PPP6R3: variants seen among roughly 807,000 people sequenced by gnomAD.
PPP6R3 encodes the protein serine/threonine-protein phosphatase 6 regulatory subunit 3.
PPP6R3 carries 38 observed loss-of-function variants against 110.7 expected under a neutral mutation model. That is an observed-to-expected ratio of 0.34 (90% CI 0.26 to 0.45). The LOEUF is 0.45. Among genes scored for constraint, PPP6R3 ranks in the 20% least tolerant of loss-of-function variants. The pLI, the probability that PPP6R3 is intolerant of heterozygous loss-of-function variation, is 1.00. For synonymous variants in PPP6R3, 369 were observed against 373.5 expected (o/e 0.99, Z 0.14); for missense variants, 870 against 1,062.4 (o/e 0.82, Z 2.52).
chr11:68,583,203 T>C, intron 15 of PPP6R3, 74 bp downstream of exon 15: 1 of 1,158,606 alleles, frequency 8.6e-7, no homozygotes, highest in Non-Finnish European at 1.2e-6. Context: ...ATGAATCAGC[T>C]TCAGAGTCAG....
chr11:68,594,732 T>G (rs543400683), intron 18 of PPP6R3, among the ~76,000 whole-genome samples: 3 of 152,348 alleles, frequency 2.0e-5, no homozygotes, highest in African/African-American at 7.2e-5. Flanking sequence ...ACAAGCTGCT[T>G]CTTAAATTCA....
At chr11:68,584,755 G>A (rs533735631) in intron 15 of PPP6R3, among the ~76,000 whole-genome samples, 1 of 152,268 alleles carries the variant, frequency 6.6e-6, no homozygotes, top group African/African-American at 2.4e-5. Flanking sequence ...AACAGCCCTT[G>A]CCAAGCTCTT....
chr11:68,577,070 T>C (rs1422140723), intron 14 of PPP6R3, among the ~76,000 whole-genome samples: 2 of 152,208 alleles, frequency 1.3e-5, no homozygotes, highest in African/African-American at 2.4e-5. Context: ...GGAAGAATTA[T>C]GAAGTTGAGG....
At chr11:68,594,511 A>G (rs531279593) in intron 18 of PPP6R3, among the ~76,000 whole-genome samples, 6 of 152,164 alleles carry the variant, frequency 3.9e-5, no homozygotes, top group Non-Finnish European at 7.4e-5. Flanking sequence ...AAAAAAGAAA[A>G]AATTTAAATA....
chr11:68,532,281 C>T (rs1013747568), intron 2 of PPP6R3, among the ~76,000 whole-genome samples: 1 of 152,154 alleles, frequency 6.6e-6, no homozygotes, highest in African/African-American at 2.4e-5. Context: ...TCCTTTGATC[C>T]TATTTTGTGT....
At chr11:68,533,390 C>T (rs926255722) in intron 2 of PPP6R3, among the ~76,000 whole-genome samples, 1 of 152,126 alleles carries the variant, frequency 6.6e-6, no homozygotes, top group Non-Finnish European at 1.5e-5. Flanking sequence ...TTGAAAAATG[C>T]TATTCTAACT....
chr11:68,530,115 AGTT>A (rs1458037201), intron 2 of PPP6R3, among the ~76,000 whole-genome samples: 1 of 152,210 alleles, frequency 6.6e-6, no homozygotes, highest in East Asian at 1.9e-4. Flanking sequence ...TAATGTCATT[AGTT>A]GTTTTTTACT....
At chr11:68,487,824 G>GGCTGCAATGGC (rs2098958054) in intron 1 of PPP6R3, among the ~76,000 whole-genome samples, 1 of 152,128 alleles carries the variant, frequency 6.6e-6, no homozygotes, top group African/African-American at 2.4e-5. Flanking sequence ...GTATGAACTT[G>GGCTGCAATGGC]AGAACTGTAA....
At chr11:68,589,082 G>T (rs1300623442) in intron 16 of PPP6R3, among the ~76,000 whole-genome samples, 1 of 151,962 alleles carries the variant, frequency 6.6e-6, no homozygotes, top group Non-Finnish European at 1.5e-5. Context: ...GGTGGTGTGT[G>T]CCTGTAGTCC....
At chr11:68,517,320 A>G (rs536398458) in intron 1 of PPP6R3, among the ~76,000 whole-genome samples, 44 of 152,240 alleles carry the variant, frequency 2.9e-4, no homozygotes, top group African/African-American at 1.0e-3. Flanking sequence ...TCAGGGATAC[A>G]CAACAGAGTT....
At chr11:68,525,250 A>T (rs1219483105) in intron 2 of PPP6R3, among the ~76,000 whole-genome samples, 1 of 152,238 alleles carries the variant, frequency 6.6e-6, no homozygotes, top group Non-Finnish European at 1.5e-5. Context: ...TGAAGCCCAG[A>T]GTCTGGCAGT....
chr11:68,529,830 A>C (rs919048454), intron 2 of PPP6R3, among the ~76,000 whole-genome samples: 8 of 152,182 alleles, frequency 5.3e-5, no homozygotes, highest in Non-Finnish European at 1.0e-4. Context: ...CCTACCCCAC[A>C]TTGGCCCTTG....
At chr11:68,530,792 G>T (rs2099234475) in intron 2 of PPP6R3, among the ~76,000 whole-genome samples, 1 of 152,204 alleles carries the variant, frequency 6.6e-6, no homozygotes, top group South Asian at 2.1e-4. Context: ...CCTGGGTACA[G>T]TTATTTCGCA....
intron 1 of PPP6R3, among the ~76,000 whole-genome samples, chr11:68,511,496 T>TGTGTGTGTGTGTGTC (rs1565513209): frequency 1.3e-4 from 10 of 75,958 alleles, no homozygotes; most frequent in African/African-American, 5.8e-4. Context: ...GTGTGTGTGT[T>TGTGTGTGTGTGTGTC]TTGAGTTGGA....
At chr11:68,528,606 A>G (rs1484768947) in intron 2 of PPP6R3, among the ~76,000 whole-genome samples, 1 of 152,182 alleles carries the variant, frequency 6.6e-6, no homozygotes, top group Non-Finnish European at 1.5e-5. Context: ...CCTTCTTGTG[A>G]AAATTTCCCT....
At chr11:68,599,853 G>T (rs554522317) in intron 19 of PPP6R3, among the ~76,000 whole-genome samples, 1 of 152,032 alleles carries the variant, frequency 6.6e-6, no homozygotes, top group Non-Finnish European at 1.5e-5. Flanking sequence ...GCCAGGCGCG[G>T]TGGCTCACGC....
chr11:68,545,408 G>T (rs1233819292), intron 4 of PPP6R3, among the ~76,000 whole-genome samples: 1 of 152,208 alleles, frequency 6.6e-6, no homozygotes, highest in African/African-American at 2.4e-5. Context: ...GATCAGAGAT[G>T]AAGCTTAAAC....
intron 8 of PPP6R3, among the ~76,000 whole-genome samples, chr11:68,559,356 T>C (rs1593135593): frequency 6.6e-6 from 1 of 152,392 alleles, no homozygotes; most frequent in East Asian, 1.9e-4. Flanking sequence ...TATCAGAGTT[T>C]TCTAACTGCT....
chr11:68,540,514 A>G (rs1346305988), intron 3 of PPP6R3, among the ~76,000 whole-genome samples: 6 of 152,172 alleles, frequency 3.9e-5, no homozygotes, highest in African/African-American at 7.2e-5. Flanking sequence ...ATTGCTAATG[A>G]AGTTTTGGGC....
Sources: allele counts gnomAD v4.1 joint callset (sites outside exome capture counted in the v4.1 genomes callset), GRCh38; gene constraint gnomAD v4.1.1; transcripts MANE v1.5; gene names NCBI Gene and HGNC (gene_info 2026-07-23, HGNC 2026-07-21).